NXN: variants seen among roughly 807,000 people sequenced by gnomAD.
The protein encoded by NXN is nucleoredoxin 1.
NXN carries 16 observed loss-of-function variants against 48.6 expected under a neutral mutation model. The ratio of observed to expected loss-of-function variants is 0.33; its 90% CI spans 0.22 to 0.50. NXN has a LOEUF of 0.50. Ranked by LOEUF, NXN falls within the 20% of genes least tolerant of loss-of-function variation. NXN has a pLI of 0.98. For missense variants in NXN, 492 were observed against 605.5 expected (o/e 0.81, Z 1.97); for synonymous variants, 281 against 269.6 (o/e 1.04, Z -0.41).
chr17:803,748 C>G lies in NXN; in HGVS notation c.1059G>C (p.Glu353Asp). Reference protein sequence around the residue: ...AAKQLIQPIAEKIIAKYKAKE... With the variant: ...AAKQLIQPIADKIIAKYKAKE... ...TGGCTTTGTACTTGGCAATGATTTTCTCAGCTATCGGCTGAATCAGCTGCT... is the reference window on the plus strand; with the variant it reads ...TGGCTTTGTACTTGGCAATGATTTTGTCAGCTATCGGCTGAATCAGCTGCT... Residue 353 changes from glutamate to aspartate, a missense_variant, in exon 7 of 8, where the codon GAG becomes GAC. Coordinates refer to ENST00000336868, the MANE Select transcript of NXN (RefSeq NM_022463.5). The G allele has an allele frequency of 6.2e-7, 1 of 1,614,260 alleles. No individual in the cohort carries two copies. The highest frequency in any genetic ancestry group is 8.5e-7 in the Non-Finnish European group (1 of 1,180,052).
intron 1 of NXN, among the ~76,000 whole-genome samples, chr17:900,028 G>A (rs1379485064): frequency 3.3e-5 from 5 of 152,334 alleles, no homozygotes; most frequent in Admixed American, 6.5e-5. Context: ...CACGTTGGGA[G>A]GCCGAGGCAG....
intron 3 of NXN, among the ~76,000 whole-genome samples, chr17:823,173 C>A (rs553457898): frequency 1.3e-5 from 2 of 150,338 alleles, no homozygotes; most frequent in South Asian, 4.2e-4. Flanking sequence ...CCGAGGCGGG[C>A]AGATCACCTG....
intron 1 of NXN, among the ~76,000 whole-genome samples, chr17:878,935 T>G (rs1038252261): frequency 6.6e-6 from 1 of 151,818 alleles, no homozygotes; most frequent in Non-Finnish European, 1.5e-5. Flanking sequence ...GAGGCTGAGG[T>G]GGGTGGATCA....
intron 1 of NXN, among the ~76,000 whole-genome samples, chr17:904,029 T>C (rs1272417846): frequency 6.6e-6 from 1 of 152,244 alleles, no homozygotes; most frequent in East Asian, 1.9e-4. Context: ...CTGAGTTTTG[T>C]GGGCTGAAGT....
chr17:841,433 GGC>G, intron 1 of NXN, among the ~76,000 whole-genome samples: 1 of 51,216 alleles, frequency 2.0e-5, no homozygotes, highest in Non-Finnish European at 4.1e-5. Context: ...ATCTCACACG[GGC>G]GAGCAGGTCC....
At chr17:950,495 CCT>C (rs577368724) in intron 1 of NXN, among the ~76,000 whole-genome samples, 235 of 151,062 alleles carry the variant, frequency 1.6e-3, no homozygotes, top group African/African-American at 5.6e-3. Flanking sequence ...CATTTCATCC[CCT>C]GTCGATTCCC....
intron 1 of NXN, among the ~76,000 whole-genome samples, chr17:847,134 G>A (rs1357077785): frequency 2.0e-5 from 3 of 152,116 alleles, no homozygotes; most frequent in East Asian, 1.9e-4. Context: ...TTGTCATCTC[G>A]GCACCGTCCG....
rs1295892244 is a variant in NXN at position 885,338 on chromosome 17, C to T, written c.361-59260G>A. 3.9e-5 allele frequency among the ~76,000 whole-genome samples: 6 copies of T among 151,952 alleles called. No individual in the cohort carries two copies. In the East Asian group the frequency reaches 9.8e-4, roughly 25 times the overall value. The stretch of plus-strand genomic sequence containing the variant: ...ACTAAAAATACAAAAATTAGCTGGG[C>T]GTGGTGCAGGCGCCCGTCATCCCAG... On this transcript the variant is annotated intron_variant, in intron 1 of 7. Coordinates refer to ENST00000336868, the MANE Select transcript of NXN (RefSeq NM_022463.5).
chr17:890,439 T>C (rs1002944524), intron 1 of NXN, among the ~76,000 whole-genome samples: 2 of 152,094 alleles, frequency 1.3e-5, no homozygotes, highest in Non-Finnish European at 2.9e-5. Context: ...AGTGACACAA[T>C]CTCGGTTCAC....
intron 5 of NXN, among the ~76,000 whole-genome samples, chr17:814,901 G>A (rs776639988): frequency 5.6e-4 from 86 of 152,290 alleles, no homozygotes; most frequent in Middle Eastern, 3.4e-3. Context: ...GAGTAGCTGG[G>A]ATTATAGGTG....
rs1911113352 is a variant in NXN at position 799,853 on chromosome 17, C to CGCCT, written c.*1092_*1095dup. On this transcript the variant is annotated 3_prime_UTR_variant, in exon 8 of 8. Coordinates refer to ENST00000336868, the MANE Select transcript of NXN (RefSeq NM_022463.5). ...AAAGGGGGCCGGGCACGGCGGCTCA[C>CGCCT]GCCTGTAATCCCAGCACTTTGGGAG... 1 of 152,430 alleles carries CGCCT rather than the reference C, an allele frequency of 6.6e-6. No individual in the cohort carries two copies. Among genetic ancestry groups the CGCCT allele is most frequent in the Admixed American group, 6.5e-5 (1 of 15,288 alleles). The allele number at this position is 152,430 out of a possible 1,614,324, so 9.4% of individuals were successfully genotyped here. A position where few individuals can be genotyped will look rare whatever the true frequency, so the allele number is the denominator to read the frequency against.
At chr17:816,060 G>A (rs1912454364) in intron 5 of NXN, among the ~76,000 whole-genome samples, 1 of 152,152 alleles carries the variant, frequency 6.6e-6, no homozygotes, top group East Asian at 1.9e-4. Context: ...ATCAGGAGGG[G>A]CAGGACACGG....
At chr17:822,300 A>C (rs1912860515) in intron 4 of NXN, 57 bp downstream of exon 4, 2 of 1,278,192 alleles carry the variant, frequency 1.6e-6, no homozygotes, top group Admixed American at 1.8e-5. Context: ...GAAAAGAAAA[A>C]AAATGGATGT....
chr17:896,790 C>A (rs771802931), intron 1 of NXN: 33 of 1,013,408 alleles, frequency 3.3e-5, no homozygotes, highest in Non-Finnish European at 3.9e-5. Flanking sequence ...TCCCTAAATT[C>A]TCTACAATAG....
intron 1 of NXN, among the ~76,000 whole-genome samples, chr17:847,224 CT>C (rs34367280): frequency 0.046 from 6,650 of 146,104 alleles, 237 homozygotes; most frequent in East Asian, 0.2. Flanking sequence ...TTCACAAGGG[CT>C]TTTTTTTTTT....
At chr17:974,362 T>C (rs565834121) in intron 1 of NXN, among the ~76,000 whole-genome samples, 24 of 151,440 alleles carry the variant, frequency 1.6e-4, no homozygotes, top group African/African-American at 5.9e-4. Flanking sequence ...AAAAAGTATA[T>C]AGATATATAT....
chr17:846,077 A>C (rs961880724), intron 1 of NXN, among the ~76,000 whole-genome samples: 5 of 151,668 alleles, frequency 3.3e-5, no homozygotes, highest in Non-Finnish European at 7.4e-5. Flanking sequence ...GCGAGACTGC[A>C]TCTCATAAAT....
intron 1 of NXN, among the ~76,000 whole-genome samples, chr17:843,010 AAG>A (rs1224931131): frequency 2.4e-5 from 2 of 85,072 alleles, no homozygotes; most frequent in Non-Finnish European, 5.2e-5. Flanking sequence ...GAAAGAGAGA[AAG>A]AAAGAAAGAA....
intron 1 of NXN, among the ~76,000 whole-genome samples, chr17:976,185 T>C (rs1347307320): frequency 8.0e-6 from 1 of 125,252 alleles, no homozygotes; most frequent in African/African-American, 3.0e-5. Flanking sequence ...TTTACATTTT[T>C]GTCCTTTTTT....
Sources: gnomAD v4.1 joint callset for allele counts (sites outside exome capture counted in the v4.1 genomes callset) on GRCh38, gnomAD v4.1.1 for gene constraint, MANE v1.5 for transcripts, NCBI Gene and HGNC (gene_info 2026-07-23, HGNC 2026-07-21) for gene names.